Variants in CACNA1B observed in about 807,000 individuals in gnomAD.
CACNA1B encodes calcium voltage-gated channel subunit alpha1 B.
Under a neutral mutation model 247.2 loss-of-function variants are expected in CACNA1B, and 70 were observed. That is an observed-to-expected ratio of 0.28 (90% CI 0.23 to 0.35). The LOEUF is 0.35. Among genes scored for constraint, CACNA1B ranks in the 10% least tolerant of loss-of-function variants. The pLI is 1.00. For synonymous variants in CACNA1B, 1,231 were observed against 1,294.4 expected, an observed-to-expected ratio of 0.95 and a Z score of 1.05; for missense variants, 2,367 against 3,197.4, an observed-to-expected ratio of 0.74 and a Z score of 6.26.
intron 6 of CACNA1B, among the ~76,000 whole-genome samples, chr9:137,939,175 A>G (rs1957702923): frequency 6.6e-6 from 1 of 152,228 alleles, no homozygotes; most frequent in Non-Finnish European, 1.5e-5. Context: ...GCAGAAAGTC[A>G]ACAAAGAAAC....
chr9:137,884,875 C>G (rs1195350149), intron 3 of CACNA1B, among the ~76,000 whole-genome samples: 2 of 147,734 alleles, frequency 1.4e-5, no homozygotes, highest in Non-Finnish European at 3.0e-5. Context: ...CCTTCCCCTC[C>G]CCTTCTTCCC....
chr9:138,006,691 C>T (rs1214550437), intron 15 of CACNA1B, 76 bp from the exon 16 acceptor site: 5 of 793,278 alleles, frequency 6.3e-6, no homozygotes, highest in African/African-American at 1.7e-5. Context: ...TGCACATGCA[C>T]TCATGTGGGT....
At position 137,888,811 on chromosome 9, in the gene CACNA1B, G is replaced by A. The variant is rs143111047; in HGVS notation, c.530+5928G>A. Among the ~76,000 whole-genome samples, 15 of 152,372 alleles carry A rather than the reference G, an allele frequency of 9.8e-5. No individual in the cohort carries two copies. The highest frequency in any genetic ancestry group is 3.4e-4 in the African/African-American group (14 of 41,586). On this transcript the variant is annotated intron_variant, in intron 3 of 46. Transcript: ENST00000371372. The surrounding 1 kb of genome is among the most constrained non-coding windows in gnomAD (Gnocchi z 4.7). ...CTTTTGGGCTTTGTGGACGCAGGCC[G>A]ATTCAGATGGTGGCAGGCACTTCTC...
rs1361908217 is a variant in CACNA1B at position 138,069,776 on chromosome 9, ACT to A, written c.4674+16_4674+17del. 5 of 1,608,600 alleles carry A rather than the reference ACT, an allele frequency of 3.1e-6. No homozygotes were observed. The highest frequency in any genetic ancestry group is 1.3e-5 in the African/African-American group (1 of 74,812). On this transcript the variant is annotated intron_variant, in intron 32 of 46. Transcript: ENST00000371372. The stretch of plus-strand genomic sequence containing the variant: ...CATGTAGGAAACGGTTGGTTTCACG[ACT>A]CTGAACGGTTCTTGCAAGTCCTTGC...
chr9:137,892,682 A>C, intron 3 of CACNA1B: 1 of 324,618 alleles, frequency 3.1e-6, no homozygotes, highest in South Asian at 2.5e-5. Flanking sequence ...CTCCCGTCCA[A>C]GGGTGGGGGC....
intron 6 of CACNA1B, among the ~76,000 whole-genome samples, chr9:137,939,811 T>TAAATAAATAAAC: frequency 9.4e-6 from 1 of 106,766 alleles, no homozygotes; most frequent in Non-Finnish European, 1.7e-5. Context: ...TCAAAATAAA[T>TAAATAAATAAAC]AAATAAATAA....
Position 138,120,864 on chromosome 9 carries a change from C to T in CACNA1B, c.6472C>T (p.Pro2158Ser). The T allele has an allele frequency of 1.1e-5, 18 of 1,571,914 alleles. No individual in the cohort carries two copies. Among genetic ancestry groups the T allele is most frequent in the Non-Finnish European group, 1.6e-5 (18 of 1,159,096 alleles). The change falls in exon 46 of 47, where the codon CCG becomes TCG. Residue 2158 changes from proline to serine, a missense_variant. By Grantham distance (74) the Pro-to-Ser change is moderately conservative. This residue lies in a region of CACNA1B where 773 missense variants were observed against 779.4 expected (regional missense o/e 0.99). Transcript: ENST00000371372. ...HPTSPTAGQE[P>S]GPHPQGSGSV... ...AACGTCGCCAACAGCTGGCCAGGAG[C>T]CGGGACCCCACCCACAGGTAAGAGG...
chr9:137,943,839 C>T (rs1048409142), intron 6 of CACNA1B, among the ~76,000 whole-genome samples: 2 of 152,200 alleles, frequency 1.3e-5, no homozygotes, highest in African/African-American at 2.4e-5. Flanking sequence ...GCAATGAGCA[C>T]GGTGCCAGGG....
chr9:138,110,218 G>A (rs1384434924), intron 39 of CACNA1B, among the ~76,000 whole-genome samples: 2 of 151,866 alleles, frequency 1.3e-5, no homozygotes, highest in Non-Finnish European at 2.9e-5. Flanking sequence ...GGGTTCAAAC[G>A]ATTCCTCTGC....
rs1259690092 is a variant in CACNA1B at position 137,990,032 on chromosome 9, G to A, written c.1974+3178G>A. On this transcript the variant is annotated intron_variant, in intron 15 of 46. Transcript: ENST00000371372. This position sits in a 1 kb window ranked among gnomAD's most constrained non-coding sequence, Gnocchi z 4.5. ...GAACTTTTGCTCCAAGAACTACCAC[G>A]GGAAGTTCTTGGAACTACCACAGGC... is the stretch of plus-strand genomic sequence containing the variant. 2.6e-5 allele frequency among the ~76,000 whole-genome samples: 4 copies of A among 152,016 alleles called. No individual in the cohort carries two copies. Among genetic ancestry groups the A allele is most frequent in the East Asian group, 1.9e-4 (1 of 5,182 alleles).
At position 137,914,886 on chromosome 9, in the gene CACNA1B, T is replaced by C; in HGVS notation, c.775+80T>C. On this transcript the variant is annotated intron_variant, in intron 5 of 46. Transcript: ENST00000371372. The surrounding 1 kb of genome is among the most constrained non-coding windows in gnomAD (Gnocchi z 4.3). ...AGGAGATGGGCACTGTTCTAGGTGC[T>C]AGAGGGGCCTTCTTGGTGCCAGATA... The C allele has an allele frequency of 2.0e-6, 3 of 1,483,310 alleles. No individual in the cohort carries two copies. The highest frequency in any genetic ancestry group is 2.7e-6 in the Non-Finnish European group (3 of 1,100,822). The allele number at this position is 1,483,310 out of a possible 1,614,324, so 91.9% of individuals were successfully genotyped here.
At chr9:137,949,241 A>ATGTGTGTGG (rs1271185632) in intron 6 of CACNA1B, among the ~76,000 whole-genome samples, 86 of 17,804 alleles carry the variant, frequency 4.8e-3, no homozygotes, top group African/African-American at 6.4e-3. Context: ...TGGTGTATGC[A>ATGTGTGTGG]TGTGTGTGGT....
chr9:138,071,750 C>G (rs1352846857), intron 32 of CACNA1B, among the ~76,000 whole-genome samples: 1 of 152,148 alleles, frequency 6.6e-6, no homozygotes, highest in African/African-American at 2.4e-5. Flanking sequence ...TTCCTTCTTA[C>G]CTGGCAGCCT....
In CACNA1B at chr9:137,877,815, G is replaced by C. The variant is rs1310124938; in HGVS notation, c.-119G>C. On this transcript the variant is annotated 5_prime_UTR_variant, in exon 1 of 47. Transcript: ENST00000371372. Reference sequence around the variant, plus strand: ...CGGCGGCGGCTGCGGCGGTGGGGCCGGGCGAGGTCCGCTGCGGTCCCGGCG... The same window carrying C: ...CGGCGGCGGCTGCGGCGGTGGGGCCCGGCGAGGTCCGCTGCGGTCCCGGCG... 2.1e-6 allele frequency: 1 copy of C among 477,020 alleles called. No homozygotes were observed. The highest frequency in any genetic ancestry group is 2.7e-6 in the Non-Finnish European group (1 of 366,000). 29.5% of individuals were successfully genotyped at this position (477,020 alleles called of 1,614,324 possible).
At chr9:138,000,321 A>T (rs562824174) in intron 15 of CACNA1B, among the ~76,000 whole-genome samples, 1 of 152,114 alleles carries the variant, frequency 6.6e-6, no homozygotes, top group Admixed American at 6.5e-5. Context: ...GATGGTCTCG[A>T]TCTCCTGACC....
intron 36 of CACNA1B, among the ~76,000 whole-genome samples, chr9:138,087,713 CAAAAAAAAAAAAA>C (rs57138546): frequency 1.7e-4 from 6 of 35,458 alleles, no homozygotes; most frequent in South Asian, 1.2e-3. Flanking sequence ...GACTCCGTCT[CAAAAAAAAAAAAA>C]AAAAAAAAAA....
intron 6 of CACNA1B, among the ~76,000 whole-genome samples, chr9:137,949,078 G>T (rs1230905458): frequency 9.9e-5 from 7 of 70,362 alleles, no homozygotes; most frequent in African/African-American, 3.8e-4. Context: ...TAGTGTGTGT[G>T]GTGTGTGTGT....
chr9:137,881,736 C>T lies in CACNA1B; in HGVS notation c.391-1008C>T, dbSNP rs1956924767. Among the ~76,000 whole-genome samples, 1 of 152,232 alleles carries T rather than the reference C, an allele frequency of 6.6e-6. No individual in the cohort carries two copies. The highest frequency in any genetic ancestry group is 1.5e-5 in the Non-Finnish European group (1 of 68,044). ...GTCTTTGGGGTCTCCCTAAGCTCCA[C>T]ACAGCCCCATCTCCACCCTGTTTGC... On this transcript the variant is annotated intron_variant, in intron 2 of 46. Transcript: ENST00000371372. This position sits in a 1 kb window ranked among gnomAD's most constrained non-coding sequence, Gnocchi z 4.3.
chr9:138,043,434 G>A (rs576209185), intron 20 of CACNA1B, among the ~76,000 whole-genome samples: 3 of 152,328 alleles, frequency 2.0e-5, no homozygotes, highest in East Asian at 3.9e-4. Flanking sequence ...AGCAGAGGCA[G>A]TGGGAAGGTC....
Sources: allele counts gnomAD v4.1 joint callset (sites outside exome capture counted in the v4.1 genomes callset), GRCh38; gene constraint gnomAD v4.1.1; regional missense constraint gnomAD v4.1.1; non-coding constraint Gnocchi (gnomAD v3.1); transcripts MANE v1.5; gene names NCBI Gene and HGNC (gene_info 2026-07-23, HGNC 2026-07-21).